Variants in PCDHGA1 observed in about 807,000 individuals in gnomAD.
PCDHGA1 encodes protocadherin gamma subfamily A, 1, also known as protocadherin gamma-A1.
PCDHGA1 carries 32 observed loss-of-function variants against 58.0 expected under a neutral mutation model. The observed-to-expected ratio is 0.55, with a 90% confidence interval of 0.42 to 0.74. The LOEUF is 0.74. Ranked by LOEUF, PCDHGA1 falls within the 30% of genes least tolerant of loss-of-function variation. PCDHGA1 has a pLI of 0.00. For synonymous variants in PCDHGA1, 498 were observed against 501.1 expected, an observed-to-expected ratio of 0.99 and a Z score of 0.08; for missense variants, 1,205 against 1,182.3, an observed-to-expected ratio of 1.02 and a Z score of -0.28.
At chr5:141,374,935 T>C in intron 1 of PCDHGA1, 1 of 1,614,020 alleles carries the variant, frequency 6.2e-7, no homozygotes, top group East Asian at 2.2e-5. Context: ...TTGTGAAGAT[T>C]ACAGAAAAGA....
chr5:141,364,362 G>C, intron 1 of PCDHGA1: 1 of 1,560,576 alleles, frequency 6.4e-7, no homozygotes, highest in Non-Finnish European at 8.7e-7. Flanking sequence ...TGGGGCTGCG[G>C]AGAGCTGCTG....
At chr5:141,418,874 G>A (rs2096295785) in intron 1 of PCDHGA1, 1 of 1,614,024 alleles carries the variant, frequency 6.2e-7, no homozygotes, top group East Asian at 2.2e-5. Context: ...AGAAGTTGTA[G>A]ACGAAAACGA....
chr5:141,392,896 G>A, intron 1 of PCDHGA1: 1 of 1,613,812 alleles, frequency 6.2e-7, no homozygotes, highest in Non-Finnish European at 8.5e-7. Flanking sequence ...GAAATCGGGA[G>A]GGGACAGATT....
chr5:141,331,153 G>T lies in PCDHGA1; in HGVS notation c.469G>T (p.Gly157Trp), dbSNP rs748688708. Residue 157 changes from glycine to tryptophan, a missense_variant, in exon 1 of 4, where the codon GGG (glycine) becomes TGG (tryptophan). Coordinates refer to ENST00000517417, the MANE Select transcript of PCDHGA1 (RefSeq NM_018912.3). ...AGGTACCAGAGTCTCATTGCCTTTT[G>T]GGCAAGACCTTGATGTGGGTATGAA... ...TPGTRVSLPFGQDLDVGMNSL... is the reference protein window; with the variant it reads ...TPGTRVSLPFWQDLDVGMNSL... 6.2e-7 allele frequency: 1 copy of T among 1,614,082 alleles called. No homozygotes were observed. Among genetic ancestry groups the T allele is most frequent in the Non-Finnish European group, 8.5e-7 (1 of 1,180,006 alleles).
chr5:141,418,413 A>T, intron 1 of PCDHGA1: 1 of 1,614,048 alleles, frequency 6.2e-7, no homozygotes, highest in Non-Finnish European at 8.5e-7. Flanking sequence ...GAGAAAGACA[A>T]TCCTGATGGT....
At chr5:141,376,676 G>GTTTTTTTTTTTTTTTTTTTTTTTTT in intron 1 of PCDHGA1, 1 of 275,812 alleles carries the variant, frequency 3.6e-6, no homozygotes, top group Non-Finnish European at 6.2e-6. Context: ...TGAGGGTATC[G>GTTTTTTTTTTTTTTTTTTTTTTTTT]TTTTTTTTTT....
intron 3 of PCDHGA1, among the ~76,000 whole-genome samples, chr5:141,509,004 G>A (rs2099873761): frequency 6.6e-6 from 1 of 152,072 alleles, no homozygotes; most frequent in South Asian, 2.1e-4. Context: ...AGGAGAGGAG[G>A]AAGTGGGCAG....
chr5:141,413,914 A>G (rs776089620), intron 1 of PCDHGA1: 13 of 1,613,234 alleles, frequency 8.1e-6, no homozygotes. Flanking sequence ...GCCGGTCTTC[A>G]CCTTGCCAGA....
Position 141,432,010 on chromosome 5 carries a change from CT to C in PCDHGA1, c.2422-62796del. The C allele has an allele frequency of 6.2e-7, 1 of 1,614,068 alleles. No individual in the cohort carries two copies. Among genetic ancestry groups the C allele is most frequent in the Non-Finnish European group, 8.5e-7 (1 of 1,180,022 alleles). ...TCTTGGATAGGGAACAGGTTCCTAG[CT>C]ACAACATCACAGTGACCGCCACTGA... On this transcript the variant is annotated intron_variant, in intron 1 of 3. Coordinates refer to ENST00000517417, the MANE Select transcript of PCDHGA1 (RefSeq NM_018912.3). This position sits in a 1 kb window ranked among gnomAD's most constrained non-coding sequence, Gnocchi z 6.0.
At chr5:141,351,915 A>G (rs761580776) in intron 1 of PCDHGA1, 18 of 1,613,262 alleles carry the variant, frequency 1.1e-5, no homozygotes, top group African/African-American at 1.3e-5. Flanking sequence ...GGCGACCTCA[A>G]TGACAATGCG....
chr5:141,389,843 G>A lies in PCDHGA1; in HGVS notation c.2421+56738G>A, dbSNP rs372102656. On this transcript the variant is annotated intron_variant, in intron 1 of 3. Transcript: ENST00000517417. ...GTGACGGTGGACAGCCACCACTCTC[G>A]GCCACTGCCACGTTGCACCTGGTCT... is the stretch of plus-strand genomic sequence containing the variant. The A allele has an allele frequency of 3.7e-6, 6 of 1,613,898 alleles. 1 individual carries two copies. The highest frequency in any genetic ancestry group is 2.7e-5 in the African/African-American group (2 of 74,948).
At chr5:141,346,660 A>C (rs1014297153) in intron 1 of PCDHGA1, 1 of 742,914 alleles carries the variant, frequency 1.3e-6, no homozygotes, top group African/African-American at 1.8e-5. Context: ...TAGGGAAAAA[A>C]TAATACATCG....
At chr5:141,395,134 A>G (rs1468654358) in intron 1 of PCDHGA1, 7 of 1,614,062 alleles carry the variant, frequency 4.3e-6, no homozygotes, top group Middle Eastern at 1.6e-4. Flanking sequence ...CCCCAGCCCA[A>G]CTACGCAGAC....
intron 1 of PCDHGA1, chr5:141,384,230 A>G (rs771827146): frequency 1.2e-6 from 2 of 1,613,916 alleles, no homozygotes; most frequent in Admixed American, 3.3e-5. Flanking sequence ...CAGGTGGCAG[A>G]CACCAACGAT....
At chr5:141,389,508 G>A (rs369319162) in intron 1 of PCDHGA1, 3 of 1,613,090 alleles carry the variant, frequency 1.9e-6, no homozygotes, top group Non-Finnish European at 2.5e-6. Flanking sequence ...AGCGCTCAGC[G>A]CGAACGTGAG....
rs1767458792 is a variant in PCDHGA1 at position 141,371,070 on chromosome 5, A to G, written c.2421+37965A>G. ...GGGCGAGCCCTCCAGAAGCTGTACCACCCAGATCAGGGTAATTGTCGCAGA... is the reference window on the plus strand; with the variant it reads ...GGGCGAGCCCTCCAGAAGCTGTACCGCCCAGATCAGGGTAATTGTCGCAGA... On this transcript the variant is annotated intron_variant, in intron 1 of 3. Coordinates refer to ENST00000517417, the MANE Select transcript of PCDHGA1 (RefSeq NM_018912.3). The G allele has an allele frequency of 3.7e-6, 6 of 1,613,796 alleles. No individual in the cohort carries two copies. The highest frequency in any genetic ancestry group is 5.1e-6 in the Non-Finnish European group (6 of 1,179,860).
At chr5:141,414,748 G>A in intron 1 of PCDHGA1, 5 of 1,614,182 alleles carry the variant, frequency 3.1e-6, no homozygotes, top group Non-Finnish European at 4.2e-6. Context: ...CAGATCCTTC[G>A]ACTATGAGCA....
Position 141,334,463 on chromosome 5 carries a change from G to A in PCDHGA1, c.2421+1358G>A, listed in dbSNP as rs1174386781. On this transcript the variant is annotated intron_variant, in intron 1 of 3. Transcript: ENST00000517417. This position sits in a 1 kb window ranked among gnomAD's most constrained non-coding sequence, Gnocchi z 4.6. ...AGGGCGGCCTGCGACTGTAGTCCCA[G>A]CTACGCGGGGCGGGGAGGGGCGGGG... 1 of 141,730 alleles carries A rather than the reference G, an allele frequency of 7.1e-6. No homozygotes were observed. Among genetic ancestry groups the A allele is most frequent in the Non-Finnish European group, 1.5e-5 (1 of 65,538 alleles). The allele number at this position is 141,730 out of a possible 1,614,324, so 8.8% of individuals were successfully genotyped here.
intron 1 of PCDHGA1, chr5:141,356,926 G>T (rs756576284): frequency 1.2e-6 from 2 of 1,614,174 alleles, no homozygotes; most frequent in Admixed American, 3.3e-5. Context: ...CACTGGTGTG[G>T]AGCTGGCACC....
Sources: allele counts gnomAD v4.1 joint callset (sites outside exome capture counted in the v4.1 genomes callset), GRCh38; gene constraint gnomAD v4.1.1; non-coding constraint Gnocchi (gnomAD v3.1); transcripts MANE v1.5; gene names NCBI Gene and HGNC (gene_info 2026-07-23, HGNC 2026-07-21).